The following ZNF596 variants were observed in gnomAD, a reference collection of about 807,000 sequenced individuals.
ZNF596 encodes the protein zinc finger protein 596.
In ZNF596, 45 loss-of-function variants were observed where a neutral mutation model predicts 48.3. The observed-to-expected ratio is 0.93, with a 90% CI of 0.73 to 1.19. The LOEUF (loss-of-function observed/expected upper bound fraction) is 1.19, where lower values mean the gene tolerates loss of function less well. Among genes scored for constraint, ZNF596 ranks in the 50% most tolerant of loss-of-function variants. The pLI is 0.00. For missense variants in ZNF596, 848 were observed against 599.7 expected (o/e 1.41, Z -4.32); for synonymous variants, 270 against 202.0 (o/e 1.34, Z -2.85).
intron 3 of ZNF596, 198 bp downstream of exon 3, chr8:243,211 T>C (rs1457756641): frequency 2.8e-5 from 12 of 422,386 alleles, no homozygotes; most frequent in Non-Finnish European, 4.5e-5. Context: ...TGATTTGTCC[T>C]CTCTCTAGAA....
chr8:236,580 G>C (rs1224688333), intron 1 of ZNF596, among the ~76,000 whole-genome samples: 1 of 151,812 alleles, frequency 6.6e-6, no homozygotes, highest in Admixed American at 6.6e-5. Context: ...CCCACAATTT[G>C]GTATGATTTT....
chr8:237,405 G>C (rs1161626456), intron 1 of ZNF596: 2 of 151,896 alleles, frequency 1.3e-5, no homozygotes, highest in African/African-American at 2.4e-5. Flanking sequence ...TCTTTTTCTT[G>C]GTTTATGAGT....
chr8:237,274 C>G (rs1385574051), intron 1 of ZNF596: 2 of 152,068 alleles, frequency 1.3e-5, no homozygotes, highest in African/African-American at 4.8e-5. Flanking sequence ...TTATTGATTT[C>G]TGTCAAATCT....
chr8:246,329 G>C lies in ZNF596; in HGVS notation c.1482G>C (p.Glu494Asp), dbSNP rs764743820. The C allele has an allele frequency of 2.5e-6, 4 of 1,596,136 alleles. No individual in the cohort carries two copies. Among genetic ancestry groups the C allele is most frequent in the Non-Finnish European group, 3.4e-6 (4 of 1,174,246 alleles). Residue 494 changes from glutamate (E) to aspartate (D), a missense_variant, in exon 6 of 6, where the codon GAG becomes GAC. Coordinates refer to ENST00000398612, the MANE Select transcript of ZNF596 (RefSeq NM_001042416.3). Reference protein sequence around the residue: ...FSKFFNLRQHERTHTKKAMNM With the variant: ...FSKFFNLRQHDRTHTKKAMNM ...AATTTTTTAACCTTAGACAACATGA[G>C]AGAACTCACACTAAAAAAGCAATGA...
chr8:232,792 C>A, intron 1 of ZNF596, 98 bp downstream of exon 1: 3 of 433,564 alleles, frequency 6.9e-6, no homozygotes, highest in South Asian at 5.2e-5. Context: ...CCAGTCCTCC[C>A]TGAGATGCTT....
Position 245,277 on chromosome 8 carries a change from T to C in ZNF596, c.430T>C (p.Phe144Leu). ...MRTKHFVSKK[F>L]GKIFSDWLSF... ...AACGAAACACTTTGTAAGCAAAAAGTTTGGGAAAATCTTCAGTGACTGGTT... is the reference window on the plus strand; with the variant it reads ...AACGAAACACTTTGTAAGCAAAAAGCTTGGGAAAATCTTCAGTGACTGGTT... Residue 144 changes from phenylalanine (F) to leucine (L), a missense_variant, in exon 6 of 6, where the codon TTT (phenylalanine) becomes CTT (leucine). Coordinates refer to ENST00000398612, the MANE Select transcript of ZNF596 (RefSeq NM_001042416.3). The C allele has an allele frequency of 6.2e-7, 1 of 1,613,998 alleles. No homozygotes were observed.
chr8:246,559 A>T lies in ZNF596; in HGVS notation c.*197A>T. ...TTCAGACTCTAGGCTGACCATATAC[A>T]ACGTGAGAGAATGAAACTATAGATC... On this transcript the variant is annotated 3_prime_UTR_variant, in exon 6 of 6. Coordinates refer to ENST00000398612, the MANE Select transcript of ZNF596 (RefSeq NM_001042416.3). The T allele has an allele frequency of 3.6e-6, 2 of 549,630 alleles. No individual in the cohort carries two copies. Among genetic ancestry groups the T allele is most frequent in the Non-Finnish European group, 6.0e-6 (2 of 333,542 alleles). The allele number at this position is 549,630 out of a possible 1,614,324, so 34.0% of individuals were successfully genotyped here.
intron 2 of ZNF596, among the ~76,000 whole-genome samples, chr8:242,160 G>A (rs1584909958): frequency 6.6e-6 from 1 of 152,160 alleles, no homozygotes; most frequent in African/African-American, 2.4e-5. Flanking sequence ...ATGGAAAGTG[G>A]CAGGATGAGA....
At chr8:233,233 A>G (rs1796487647) in intron 1 of ZNF596, 1 of 417,774 alleles carries the variant, frequency 2.4e-6, no homozygotes, top group Non-Finnish European at 5.1e-6. Flanking sequence ...GGGAATCAGC[A>G]GAGATATGGA....
At position 240,878 on chromosome 8, in the gene ZNF596, G is replaced by C. The variant is rs532409776; in HGVS notation, c.-18G>C. The C allele has an allele frequency of 6.2e-6, 10 of 1,613,992 alleles. No individual in the cohort carries two copies. The East Asian group carries it at 2.0e-4, about 32-fold the overall frequency. ...AGTGAAAACCCAGAGGAATACATTT[G>C]GTGGCTGAGCTAGTACAATGCCATC... On this transcript the variant is annotated 5_prime_UTR_variant, in exon 2 of 6. Coordinates refer to ENST00000398612, the MANE Select transcript of ZNF596 (RefSeq NM_001042416.3).
rs745479203 is a variant in ZNF596 at position 246,031 on chromosome 8, T to C, written c.1184T>C (p.Val395Ala). 6.2e-7 allele frequency: 1 copy of C among 1,614,154 alleles called. No individual in the cohort carries two copies. The highest frequency in any genetic ancestry group is 1.1e-5 in the South Asian group (1 of 91,082). ...HTGEKPYECH[V>A]CGKAFTESSD... ...GGAGAGAAACCATATGAGTGCCATG[T>C]ATGTGGGAAAGCCTTCACTGAATCT... is the stretch of plus-strand genomic sequence containing the variant. Residue 395 changes from valine to alanine, a missense_variant, in exon 6 of 6, where the codon GTA (valine) becomes GCA (alanine). Transcript: ENST00000398612.
chr8:241,012 A>G (rs1220981903), intron 2 of ZNF596, 105 bp downstream of exon 2: 1 of 1,382,616 alleles, frequency 7.2e-7, no homozygotes, highest in African/African-American at 1.4e-5. Flanking sequence ...TCAAGGATCC[A>G]AGCTCCAATT....
intron 4 of ZNF596, chr8:244,369 A>G (rs998188592): frequency 2.8e-5 from 14 of 495,578 alleles, no homozygotes; most frequent in Non-Finnish European, 4.6e-5. Context: ...ACTATTACAT[A>G]CTAGCCCTTT....
Position 236,380 on chromosome 8 carries a change from C to T in ZNF596, c.-73+3686C>T, listed in dbSNP as rs563266551. On this transcript the variant is annotated intron_variant, in intron 1 of 5. Transcript: ENST00000398612. ...TCTGAGAATAACTACAGTTGCAGCT[C>T]TTTGACTCCATTTTTGTAGTCCCTC... 3.9e-5 allele frequency among the ~76,000 whole-genome samples: 6 copies of T among 152,274 alleles called. No individual in the cohort carries two copies. The South Asian group carries it at 1.2e-3, about 32-fold the overall frequency.
chr8:244,556 G>C (rs1796983019), intron 4 of ZNF596, 63 bp from the exon 5 acceptor site: 6 of 1,120,544 alleles, frequency 5.4e-6, no homozygotes, highest in South Asian at 3.9e-5. Context: ...GGGCTTTGGA[G>C]CTATTTAACA....
Position 242,975 on chromosome 8 carries a change from A to C in ZNF596, c.101A>C (p.Asp34Ala), listed in dbSNP as rs1317608545. ...LDTSQRKLFQ[D>A]VMLENISHLV... ...ACATCCCAGAGAAAGCTGTTTCAAG[A>C]TGTGATGTTGGAGAACATCAGTCAT... Residue 34 changes from aspartate (D) to alanine (A), a missense_variant, in exon 3 of 6, where the codon GAT becomes GCT. Coordinates refer to ENST00000398612, the MANE Select transcript of ZNF596 (RefSeq NM_001042416.3). 4 of 1,612,282 alleles carry C rather than the reference A, an allele frequency of 2.5e-6. No homozygotes were observed. Among genetic ancestry groups the C allele is most frequent in the Non-Finnish European group, 3.4e-6 (4 of 1,178,636 alleles).
Position 245,750 on chromosome 8 carries a change from C to G in ZNF596, c.903C>G (p.His301Gln), listed in dbSNP as rs568076562. Residue 301 changes from histidine (H) to glutamine (Q), a missense_variant, in exon 6 of 6, where the codon CAC becomes CAG. Physicochemically the swap from His to Gln is conservative, Grantham distance 24. Coordinates refer to ENST00000398612, the MANE Select transcript of ZNF596 (RefSeq NM_001042416.3). ...CSDLRKHERT[H>Q]LGDKPYGCLL... ...ACCTTAGAAAACATGAGAGAACTCA[C>G]TTAGGAGATAAACCATATGGATGTC... 6.2e-7 allele frequency: 1 copy of G among 1,614,046 alleles called. No individual in the cohort carries two copies. Among genetic ancestry groups the G allele is most frequent in the African/African-American group, 1.3e-5 (1 of 75,034 alleles).
chr8:233,776 G>A (rs1482018738), intron 1 of ZNF596: 7 of 152,228 alleles, frequency 4.6e-5, no homozygotes, highest in African/African-American at 1.7e-4. Flanking sequence ...TTAATGTGAT[G>A]TTCTGGAGAA....
chr8:242,701 G>A (rs1353867965), intron 2 of ZNF596, among the ~76,000 whole-genome samples, 186 bp from the exon 3 acceptor site: 1 of 152,174 alleles, frequency 6.6e-6, no homozygotes, highest in Non-Finnish European at 1.5e-5. Context: ...GAAGTTTTAT[G>A]TATGAGTAAA....
Sources: allele counts gnomAD v4.1 joint callset (sites outside exome capture counted in the v4.1 genomes callset), GRCh38; gene constraint gnomAD v4.1.1; transcripts MANE v1.5; gene names NCBI Gene and HGNC (gene_info 2026-07-23, HGNC 2026-07-21).